TRDMT1: variants seen among roughly 807,000 people sequenced by gnomAD.
The protein encoded by TRDMT1 is tRNA (cytosine(38)-C(5))-methyltransferase.
Under a neutral mutation model 51.2 loss-of-function variants are expected in TRDMT1, and 49 were observed. The observed-to-expected ratio is 0.96, with a 90% CI of 0.76 to 1.21. The LOEUF (loss-of-function observed/expected upper bound fraction) is 1.21. Ranked by LOEUF, TRDMT1 falls within the 50% of genes most tolerant of loss-of-function variation. The pLI, the probability that TRDMT1 is intolerant of heterozygous loss-of-function variation, is 0.00. For missense variants in TRDMT1, 534 were observed against 462.3 expected (o/e 1.16, Z -1.42); for synonymous variants, 187 against 164.6 (o/e 1.14, Z -1.04).
Position 17,144,848 on chromosome 10 carries a change from C to T in TRDMT1, c.*4192G>A. ...TTTAAACTGAAGCTTTAAAATTTCA[C>T]CAGCAAAGACAAGAAATAGTGAAAG... On this transcript the variant is annotated 3_prime_UTR_variant, in exon 11 of 11. Transcript: ENST00000377799. The T allele has an allele frequency of 3.0e-6, 3 of 984,698 alleles. No homozygotes were observed. The highest frequency in any genetic ancestry group is 3.6e-6 in the Non-Finnish European group (3 of 829,778). The allele number at this position is 984,698 out of a possible 1,614,324, so 61.0% of individuals were successfully genotyped here. A position where few individuals can be genotyped will look rare whatever the true frequency, so the allele number is the denominator to read the frequency against.
In TRDMT1 at chr10:17,201,634, T is replaced by TC. The variant is rs1239701850; in HGVS notation, c.-1dup. The TC allele has an allele frequency of 1.3e-6, 2 of 1,540,678 alleles. No individual in the cohort carries two copies. The highest frequency in any genetic ancestry group is 4.0e-5 in the Admixed American group (2 of 50,480). On this transcript the variant is annotated 5_prime_UTR_variant, in exon 1 of 11. Coordinates refer to ENST00000377799, the MANE Select transcript of TRDMT1 (RefSeq NM_004412.7). Reference sequence around the variant, plus strand: ...AGCTCCAGCACCCGCAGGGGCTCCATCCCCGCGCCTCAGCCGCCGCAGCCC... The same window carrying TC: ...AGCTCCAGCACCCGCAGGGGCTCCATCCCCCGCGCCTCAGCCGCCGCAGCCC...
chr10:17,147,878 A>G lies in TRDMT1; in HGVS notation c.*1162T>C. 1.9e-6 allele frequency: 1 copy of G among 533,898 alleles called. No individual in the cohort carries two copies. The highest frequency in any genetic ancestry group is 8.2e-5 in the South Asian group (1 of 12,170). The allele number at this position is 533,898 out of a possible 1,614,324, so 33.1% of individuals were successfully genotyped here. The stretch of plus-strand genomic sequence containing the variant: ...GGGTAATTCTATGTTGAATTTTGTG[A>G]CGAACCTCCATAGCGTTTTCCAACA... On this transcript the variant is annotated 3_prime_UTR_variant, in exon 11 of 11. Transcript: ENST00000377799.
At chr10:17,150,517 T>C in intron 10 of TRDMT1, 2 of 985,364 alleles carry the variant, frequency 2.0e-6, no homozygotes, top group Non-Finnish European at 2.4e-6. Flanking sequence ...AATATCAGCA[T>C]AAAAGACTGT....
At chr10:17,158,197 T>C (rs1839829764) in intron 7 of TRDMT1, among the ~76,000 whole-genome samples, 1 of 152,108 alleles carries the variant, frequency 6.6e-6, no homozygotes, top group African/African-American at 2.4e-5. Context: ...AACATAGCTA[T>C]GATCTAAAGG....
In TRDMT1 at chr10:17,148,191, T is replaced by C. The variant is rs1474665023; in HGVS notation, c.*849A>G. 14 of 985,220 alleles carry C rather than the reference T, an allele frequency of 1.4e-5. No individual in the cohort carries two copies. The South Asian group carries it at 4.2e-4, about 30-fold the overall frequency. 61.0% of individuals were successfully genotyped at this position (985,220 alleles called of 1,614,324 possible). ...AAAGTTCATTGAGAGTGTATGTTGCTACAATAAAGAACAACTGGGGGGAGG... is the reference window on the plus strand; with the variant it reads ...AAAGTTCATTGAGAGTGTATGTTGCCACAATAAAGAACAACTGGGGGGAGG... On this transcript the variant is annotated 3_prime_UTR_variant, in exon 11 of 11. Coordinates refer to ENST00000377799, the MANE Select transcript of TRDMT1 (RefSeq NM_004412.7).
intron 3 of TRDMT1, among the ~76,000 whole-genome samples, chr10:17,165,627 A>C (rs981675645): frequency 7.9e-5 from 12 of 152,218 alleles, no homozygotes; most frequent in African/African-American, 2.7e-4. Flanking sequence ...TCATCTGACA[A>C]AGGGCTAATA....
At chr10:17,194,706 G>A (rs1375078200) in intron 1 of TRDMT1, among the ~76,000 whole-genome samples, 1 of 152,156 alleles carries the variant, frequency 6.6e-6, no homozygotes, top group Non-Finnish European at 1.5e-5. Flanking sequence ...AACGAGGCAG[G>A]TGGATTGCTT....
intron 1 of TRDMT1, among the ~76,000 whole-genome samples, chr10:17,200,731 G>T (rs765814671): frequency 3.3e-5 from 5 of 151,782 alleles, no homozygotes; most frequent in Non-Finnish European, 5.9e-5. Context: ...TTCCAACTCA[G>T]CATGAAAGAA....
intron 7 of TRDMT1, among the ~76,000 whole-genome samples, chr10:17,158,393 GTTAAC>G (rs925050759): frequency 3.9e-5 from 6 of 152,186 alleles, no homozygotes; most frequent in East Asian, 1.9e-4. Flanking sequence ...TAAAGTTACT[GTTAAC>G]TTAATACAAT....
At chr10:17,162,056 C>T (rs770286119) in intron 4 of TRDMT1, 110 bp downstream of exon 4, 79 of 909,232 alleles carry the variant, frequency 8.7e-5, no homozygotes, top group Non-Finnish European at 1.3e-4. Context: ...CCCAATATCT[C>T]AAGGGAGCAT....
chr10:17,193,730 C>T (rs968008061), intron 1 of TRDMT1, among the ~76,000 whole-genome samples: 4 of 152,156 alleles, frequency 2.6e-5, no homozygotes, highest in African/African-American at 9.7e-5. Context: ...AATGGTAGTA[C>T]TGCCTGAAGC....
chr10:17,169,944 C>G (rs554017331), intron 2 of TRDMT1, among the ~76,000 whole-genome samples: 39 of 152,300 alleles, frequency 2.6e-4, no homozygotes, highest in Admixed American at 1.2e-3. Context: ...ACTGAGCAGT[C>G]TGCCAGAACA....
intron 8 of TRDMT1, among the ~76,000 whole-genome samples, chr10:17,155,878 A>T (rs1839423648): frequency 6.6e-6 from 1 of 152,198 alleles, no homozygotes; most frequent in South Asian, 2.1e-4. Context: ...GGCTCCTTTT[A>T]TGCCATCTTT....
intron 1 of TRDMT1, among the ~76,000 whole-genome samples, chr10:17,178,015 T>C (rs184675719): frequency 6.6e-6 from 1 of 152,316 alleles, no homozygotes; most frequent in Admixed American, 6.5e-5. Context: ...AGTTTGAAGT[T>C]TTGAGGAGGA....
intron 1 of TRDMT1, among the ~76,000 whole-genome samples, chr10:17,188,769 T>G (rs1844289697): frequency 6.6e-6 from 1 of 152,204 alleles, no homozygotes. Flanking sequence ...TTTGAGTTCG[T>G]GTATAATGAT....
intron 10 of TRDMT1, chr10:17,151,613 G>C: frequency 1.0e-6 from 1 of 985,348 alleles, no homozygotes; most frequent in Non-Finnish European, 1.2e-6. Flanking sequence ...AGGAGGTTCA[G>C]TAATTTCAAA....
At chr10:17,188,649 C>T (rs1331035295) in intron 1 of TRDMT1, among the ~76,000 whole-genome samples, 1 of 152,160 alleles carries the variant, frequency 6.6e-6, no homozygotes, top group Non-Finnish European at 1.5e-5. Flanking sequence ...TCATGTGCCT[C>T]TTTGAAATCA....
At chr10:17,194,846 T>G (rs1406290232) in intron 1 of TRDMT1, among the ~76,000 whole-genome samples, 1 of 143,662 alleles carries the variant, frequency 7.0e-6, no homozygotes, top group African/African-American at 2.6e-5. Context: ...GGCAGGAGAA[T>G]AGCTTGAACC....
Position 17,157,883 on chromosome 10 carries a change from C to T in TRDMT1, c.544-99G>A, listed in dbSNP as rs934956952. On this transcript the variant is annotated intron_variant, in intron 7 of 10. Coordinates refer to ENST00000377799, the MANE Select transcript of TRDMT1 (RefSeq NM_004412.7). ...ACATTACGAAAACAACCTCATTAGCCTTTATGGGGTTGCCATTAAAAGATA... is the reference window on the plus strand; with the variant it reads ...ACATTACGAAAACAACCTCATTAGCTTTTATGGGGTTGCCATTAAAAGATA... 8.2e-5 allele frequency: 71 copies of T among 861,922 alleles called. No homozygotes were observed. The Admixed American group carries it at 9.5e-4, about 12-fold the overall frequency. 53.4% of individuals were successfully genotyped at this position (861,922 alleles called of 1,614,324 possible).
Sources: gnomAD v4.1 joint callset for allele counts (sites outside exome capture counted in the v4.1 genomes callset) on GRCh38, gnomAD v4.1.1 for gene constraint, MANE v1.5 for transcripts, NCBI Gene and HGNC (gene_info 2026-07-23, HGNC 2026-07-21) for gene names.